The following HTR3E variants were observed in gnomAD, a reference collection of about 807,000 sequenced individuals.
HTR3E encodes the protein 5-hydroxytryptamine (serotonin) receptor 3, family member E.
HTR3E carries 38 observed loss-of-function variants against 38.0 expected under a neutral mutation model. That is an observed-to-expected ratio of 1.00 (90% CI 0.77 to 1.31). HTR3E has a LOEUF of 1.31. HTR3E is among the 50% of genes most tolerant of loss of function. The pLI is 0.00. For synonymous variants in HTR3E, 210 were observed against 232.9 expected (o/e 0.90, Z 0.89); for missense variants, 547 against 585.2 (o/e 0.93, Z 0.67).
Position 184,106,773 on chromosome 3 carries a change from A to G in HTR3E, c.*80A>G. The G allele has an allele frequency of 6.6e-6, 9 of 1,367,220 alleles. No individual in the cohort carries two copies. Among genetic ancestry groups the G allele is most frequent in the Non-Finnish European group, 9.2e-6 (9 of 974,972 alleles). 84.7% of individuals were successfully genotyped at this position (1,367,220 alleles called of 1,614,324 possible). On this transcript the variant is annotated 3_prime_UTR_variant, in exon 9 of 9. Coordinates refer to ENST00000415389, the MANE Select transcript of HTR3E (RefSeq NM_001256613.2). The surrounding 1 kb of genome is among the most constrained non-coding windows in gnomAD (Gnocchi z 4.1). ...GCCAGGTCTCCCCCCTTTCCTGAGT[A>G]CCAACTATCATATCCCCAAAGATGA...
chr3:184,102,519 T>C (rs899564040), intron 3 of HTR3E, among the ~76,000 whole-genome samples: 1 of 149,264 alleles, frequency 6.7e-6, no homozygotes, highest in Non-Finnish European at 1.5e-5. Context: ...TTAGGAGATA[T>C]ACCTAATGTT....
Position 184,105,903 on chromosome 3 carries a change from C to CTGGG in HTR3E, c.860_863dup (p.Tyr289GlyfsTer11), listed in dbSNP as rs750969575. The CTGGG allele has an allele frequency of 6.2e-7, 1 of 1,614,178 alleles. No individual in the cohort carries two copies. Among genetic ancestry groups the CTGGG allele is most frequent in the East Asian group, 2.2e-5 (1 of 44,884 alleles). Reference sequence around the variant, plus strand: ...TGTCCCATTCAAGATAACGCTCCTGCTGGGCTACAACGTCTTCCTGCTCAT... The same window carrying CTGGG: ...TGTCCCATTCAAGATAACGCTCCTGCTGGGTGGGCTACAACGTCTTCCTGCTCAT... On this transcript the variant is annotated frameshift_variant, in exon 7 of 9. Transcript: ENST00000415389. LOFTEE classifies it high-confidence loss of function.
chr3:184,105,531 AC>A (rs764741970), intron 6 of HTR3E, 104 bp downstream of exon 6: 152 of 1,307,762 alleles, frequency 1.2e-4, no homozygotes, highest in Non-Finnish European at 1.6e-4. Context: ...TCCCAATGTT[AC>A]CCTCTCTCCT....
At chr3:184,099,228 C>T (rs1711829317) in intron 1 of HTR3E, among the ~76,000 whole-genome samples, 1 of 151,614 alleles carries the variant, frequency 6.6e-6, no homozygotes, top group Non-Finnish European at 1.5e-5. Context: ...ATCCCCGTCT[C>T]TACAAAAATT....
chr3:184,099,856 G>A (rs1269539972), intron 1 of HTR3E, among the ~76,000 whole-genome samples: 1 of 152,160 alleles, frequency 6.6e-6, no homozygotes, highest in Non-Finnish European at 1.5e-5. Context: ...AAGGAAGGTT[G>A]GGGCAGTCGG....
intron 3 of HTR3E, 22 bp from the exon 4 acceptor site, chr3:184,104,160 C>G (rs747960539): frequency 1.3e-6 from 2 of 1,548,676 alleles, no homozygotes; most frequent in Non-Finnish European, 1.7e-6. Flanking sequence ...GGAGACTCAC[C>G]TCTCCTCCAC....
Position 184,104,770 on chromosome 3 carries a change from C to T in HTR3E, c.390-17C>T, listed in dbSNP as rs371461631. On this transcript the variant is annotated splice_polypyrimidine_tract_variant and intron_variant, in intron 4 of 8. Transcript: ENST00000415389. The stretch of plus-strand genomic sequence containing the variant: ...GAGAAACTGCAGCACCTGCCTCTTG[C>T]GTTATCTCTCCTCCAGCATGGATGT... The T allele has an allele frequency of 1.2e-5, 19 of 1,567,302 alleles. No individual in the cohort carries two copies. The East Asian group carries it at 3.2e-4, about 26-fold the overall frequency.
intron 1 of HTR3E, chr3:184,100,272 G>A: frequency 7.3e-7 from 1 of 1,376,392 alleles, no homozygotes. Context: ...TTACATGAGG[G>A]TAAAGCAGTA....
At position 184,097,376 on chromosome 3, in the gene HTR3E, C is replaced by A. The variant is rs1395155361; in HGVS notation, c.-154C>A. ...ACCTTAAGCATAGGCAAGAACAAGACAACCAGAACACTCTTTGAAGGAAGG... is the reference window on the plus strand; with the variant it reads ...ACCTTAAGCATAGGCAAGAACAAGAAAACCAGAACACTCTTTGAAGGAAGG... On this transcript the variant is annotated 5_prime_UTR_variant, in exon 1 of 9. Transcript: ENST00000415389. 4.9e-6 allele frequency: 3 copies of A among 615,180 alleles called. No individual in the cohort carries two copies. Among genetic ancestry groups the A allele is most frequent in the Non-Finnish European group, 8.6e-6 (3 of 349,802 alleles). 38.1% of individuals were successfully genotyped at this position (615,180 alleles called of 1,614,324 possible). A position where few individuals can be genotyped will look rare whatever the true frequency, so the allele number is the denominator to read the frequency against.
At chr3:184,105,466 C>A (rs770635528) in intron 6 of HTR3E, 39 bp downstream of exon 6, 3 of 1,563,642 alleles carry the variant, frequency 1.9e-6, no homozygotes, top group South Asian at 2.4e-5. Context: ...TCCTCCCGCA[C>A]TTTTACCCTT....
At chr3:184,100,142 A>G in intron 1 of HTR3E, 1 of 1,342,660 alleles carries the variant, frequency 7.4e-7, no homozygotes, top group Non-Finnish European at 9.5e-7. Context: ...ATCCCTGGGG[A>G]CGTATAGCAC....
At chr3:184,103,611 A>G (rs528102440) in intron 3 of HTR3E, among the ~76,000 whole-genome samples, 2 of 143,620 alleles carry the variant, frequency 1.4e-5, no homozygotes, top group East Asian at 4.1e-4. Context: ...CCCAGGCAAC[A>G]GTGCAAGACT....
intron 2 of HTR3E, among the ~76,000 whole-genome samples, chr3:184,101,180 G>A (rs986755799): frequency 5.3e-5 from 8 of 152,158 alleles, no homozygotes; most frequent in Non-Finnish European, 1.0e-4. Flanking sequence ...CTGACCTCAA[G>A]TGATCTGCCT....
intron 3 of HTR3E, among the ~76,000 whole-genome samples, chr3:184,101,871 T>C (rs1712067544): frequency 6.6e-6 from 1 of 152,182 alleles, no homozygotes. Context: ...GCGCCTGTAA[T>C]CCCAGCTACT....
chr3:184,101,624 G>A, intron 3 of HTR3E, 95 bp downstream of exon 3: 1 of 1,015,414 alleles, frequency 9.8e-7, no homozygotes, highest in Non-Finnish European at 1.6e-6. Context: ...CCCTAACATT[G>A]GTTTGAAACA....
chr3:184,098,776 G>A (rs145287906), intron 1 of HTR3E, among the ~76,000 whole-genome samples: 1,560 of 152,226 alleles, frequency 0.01, 28 homozygotes, highest in Non-Finnish European at 9.6e-3. Context: ...CAGGTGAGGT[G>A]GCTCACACCT....
rs187940366 is a variant in HTR3E, at chr3:184,101,664, A to G, written c.279+135A>G. The G allele has an allele frequency of 4.4e-4, 342 of 782,004 alleles. 2 individuals are homozygous for G. The African/African-American group carries it at 5.1e-3, about 12-fold the overall frequency. 48.4% of individuals were successfully genotyped at this position (782,004 alleles called of 1,614,324 possible). On this transcript the variant is annotated intron_variant, in intron 3 of 8. Transcript: ENST00000415389. ...AAGGAGAAATTGAAAAATCGACCATAATGGTGAGGGGCTTTAATACACTGC... is the reference window on the plus strand; with the variant it reads ...AAGGAGAAATTGAAAAATCGACCATGATGGTGAGGGGCTTTAATACACTGC...
rs1251026696 is a variant in HTR3E at position 184,099,671 on chromosome 3, G to A, written c.68-814G>A. ...GGAGCTTGCAGTGAGCCGAGATTGC[G>A]CCACTGCAGTCCGCAGTCCGGCCTG... On this transcript the variant is annotated intron_variant, in intron 1 of 8. Coordinates refer to ENST00000415389, the MANE Select transcript of HTR3E (RefSeq NM_001256613.2). 9.2e-5 allele frequency among the ~76,000 whole-genome samples: 12 copies of A among 130,690 alleles called. No homozygotes were observed. In the South Asian group the frequency reaches 1.2e-3, roughly 13 times the overall value. The allele number at this position is 130,690 out of a possible 152,430, so 85.7% of individuals were successfully genotyped here.
At position 184,105,219 on chromosome 3, in the gene HTR3E, C is replaced by G. The variant is rs777904270; in HGVS notation, c.560-48C>G. On this transcript the variant is annotated intron_variant, in intron 5 of 8. Transcript: ENST00000415389. ...TGGAAAAAGAGTGCAGTTGAGCCAC[C>G]AGGAAACTATCTCCTTGAAAAATGA... 1.5e-5 allele frequency: 24 copies of G among 1,549,002 alleles called. No homozygotes were observed. In the South Asian group the frequency reaches 2.2e-4, roughly 14 times the overall value.
Sources: allele counts gnomAD v4.1 joint callset (sites outside exome capture counted in the v4.1 genomes callset), GRCh38; gene constraint gnomAD v4.1.1; non-coding constraint Gnocchi (gnomAD v3.1); transcripts MANE v1.5; gene names NCBI Gene and HGNC (gene_info 2026-07-23, HGNC 2026-07-21).